The following ATRNL1 variants were observed in gnomAD, a reference collection of about 807,000 sequenced individuals.
ATRNL1 encodes attractin-like protein 1.
A neutral mutation model predicts 182.7 loss-of-function variants in ATRNL1; 95 were observed. That is an observed-to-expected ratio of 0.52 (90% CI 0.44 to 0.62). The LOEUF is 0.62. Among genes scored for constraint, ATRNL1 ranks in the 20% least tolerant of loss-of-function variants. The pLI is 0.00. For synonymous variants in ATRNL1, 576 were observed against 568.3 expected (o/e 1.01, Z -0.19); for missense variants, 1,471 against 1,679.5 (o/e 0.88, Z 2.17).
chr10:115,102,247 G>A (rs1554864742), intron 1 of ATRNL1, among the ~76,000 whole-genome samples: 1 of 152,074 alleles, frequency 6.6e-6, no homozygotes, highest in East Asian at 1.9e-4. Flanking sequence ...GTTATCCAAT[G>A]ACCATTTGTT....
chr10:115,342,072 G>C (rs1198888220), intron 19 of ATRNL1, among the ~76,000 whole-genome samples: 3 of 151,866 alleles, frequency 2.0e-5, no homozygotes, highest in Admixed American at 1.3e-4. Flanking sequence ...TGGTTGTTTT[G>C]TGTTCTTCTC....
chr10:115,170,229 C>A (rs1847235975), intron 7 of ATRNL1, among the ~76,000 whole-genome samples: 1 of 152,104 alleles, frequency 6.6e-6, no homozygotes, highest in Non-Finnish European at 1.5e-5. Flanking sequence ...TGTATCTAGT[C>A]TTTCACTGTT....
chr10:115,380,466 GT>G (rs1554950776), intron 19 of ATRNL1, among the ~76,000 whole-genome samples: 1 of 151,998 alleles, frequency 6.6e-6, no homozygotes, highest in Non-Finnish European at 1.5e-5. Context: ...CCTTTAAAAT[GT>G]TTTCATCACC....
intron 21 of ATRNL1, among the ~76,000 whole-genome samples, chr10:115,442,634 A>G (rs889254139): frequency 3.9e-5 from 6 of 152,096 alleles, no homozygotes; most frequent in Non-Finnish European, 7.4e-5. Flanking sequence ...TAAACTATCT[A>G]CAGAAACAGG....
intron 28 of ATRNL1, among the ~76,000 whole-genome samples, chr10:115,935,604 G>A (rs1953532911): frequency 6.6e-6 from 1 of 152,112 alleles, no homozygotes; most frequent in East Asian, 1.9e-4. Flanking sequence ...CACCAGCTGT[G>A]TGGGCATAAA....
chr10:115,122,147 G>A (rs1363302430), intron 3 of ATRNL1, among the ~76,000 whole-genome samples: 2 of 151,728 alleles, frequency 1.3e-5, no homozygotes, highest in Non-Finnish European at 2.9e-5. Context: ...CAAATAAATA[G>A]ACAAGTTTTG....
At chr10:115,438,925 T>C (rs1273297550) in intron 21 of ATRNL1, among the ~76,000 whole-genome samples, 3 of 151,918 alleles carry the variant, frequency 2.0e-5, no homozygotes, top group Non-Finnish European at 4.4e-5. Context: ...GTCGAAAATC[T>C]GCGTATATCT....
At chr10:115,389,563 T>C (rs1312014846) in intron 19 of ATRNL1, among the ~76,000 whole-genome samples, 1 of 108,842 alleles carries the variant, frequency 9.2e-6, no homozygotes, top group Admixed American at 8.6e-5. Flanking sequence ...TATATATATA[T>C]ATATATATAT....
intron 26 of ATRNL1, among the ~76,000 whole-genome samples, chr10:115,608,268 C>G (rs1856973637): frequency 6.6e-6 from 1 of 151,960 alleles, no homozygotes; most frequent in Non-Finnish European, 1.5e-5. Context: ...CAGTTAACAT[C>G]CATAACCGAT....
At chr10:115,471,489 C>T (rs1372350778) in intron 24 of ATRNL1, among the ~76,000 whole-genome samples, 1 of 151,078 alleles carries the variant, frequency 6.6e-6, no homozygotes, top group East Asian at 1.9e-4. Flanking sequence ...CCTTGCTCCA[C>T]ATCCATTCTA....
chr10:115,542,707 C>CA (rs1408714939), intron 25 of ATRNL1, among the ~76,000 whole-genome samples: 2 of 152,064 alleles, frequency 1.3e-5, no homozygotes, highest in Non-Finnish European at 2.9e-5. Flanking sequence ...GCTGCCATAA[C>CA]AAAATAACAC....
intron 26 of ATRNL1, among the ~76,000 whole-genome samples, chr10:115,611,499 T>C (rs1486338502): frequency 1.3e-5 from 2 of 152,154 alleles, no homozygotes; most frequent in African/African-American, 4.8e-5. Flanking sequence ...GCATAAGTAT[T>C]AAGTACACTT....
intron 21 of ATRNL1, among the ~76,000 whole-genome samples, chr10:115,460,377 G>C (rs1847734452): frequency 6.6e-6 from 1 of 151,590 alleles, no homozygotes; most frequent in Non-Finnish European, 1.5e-5. Context: ...CTCCATTTAA[G>C]TTAATGGTGA....
intron 3 of ATRNL1, among the ~76,000 whole-genome samples, chr10:115,125,100 T>C (rs1288501051): frequency 6.6e-6 from 1 of 152,126 alleles, no homozygotes; most frequent in East Asian, 1.9e-4. Flanking sequence ...TAGTTGAAAG[T>C]TTTGAGTAAC....
At chr10:115,723,592 A>G (rs1359859770) in intron 26 of ATRNL1, among the ~76,000 whole-genome samples, 1 of 139,850 alleles carries the variant, frequency 7.2e-6, no homozygotes. Context: ...CTTGTTACCC[A>G]GGCTGGAGTG....
intron 26 of ATRNL1, among the ~76,000 whole-genome samples, chr10:115,637,318 G>A (rs1858938431): frequency 6.6e-6 from 1 of 152,062 alleles, no homozygotes; most frequent in African/African-American, 2.4e-5. Flanking sequence ...AGACATTCCG[G>A]TGTAATAAGA....
intron 27 of ATRNL1, among the ~76,000 whole-genome samples, chr10:115,786,847 T>A (rs565862204): frequency 1.1e-3 from 173 of 152,342 alleles, no homozygotes; most frequent in African/African-American, 4.0e-3. Flanking sequence ...TCAAAATGTG[T>A]TTCTTATATG....
At chr10:115,536,414 C>T (rs376136492) in intron 25 of ATRNL1, among the ~76,000 whole-genome samples, 4 of 152,206 alleles carry the variant, frequency 2.6e-5, no homozygotes, top group East Asian at 3.9e-4. Flanking sequence ...ACCCTCCGAG[C>T]CAGGTGTGGG....
At chr10:115,836,333 G>A (rs1255255849) in intron 27 of ATRNL1, among the ~76,000 whole-genome samples, 1 of 152,124 alleles carries the variant, frequency 6.6e-6, no homozygotes, top group Non-Finnish European at 1.5e-5. Flanking sequence ...GAAAAAGATG[G>A]CAAGTAATCA....
Sources: allele counts gnomAD v4.1 joint callset (sites outside exome capture counted in the v4.1 genomes callset), GRCh38; gene constraint gnomAD v4.1.1; transcripts MANE v1.5; gene names NCBI Gene and HGNC (gene_info 2026-07-23, HGNC 2026-07-21).